The following CIT variants were observed in gnomAD, a reference collection of about 807,000 sequenced individuals.
CIT encodes citron Rho-interacting kinase.
A neutral mutation model predicts 272.7 loss-of-function variants in CIT; 79 were observed. The observed-to-expected ratio is 0.29, with a 90% CI of 0.24 to 0.35. The LOEUF (loss-of-function observed/expected upper bound fraction) is 0.35, where lower values mean the gene tolerates loss of function less well. Ranked by LOEUF, CIT falls within the 10% of genes least tolerant of loss-of-function variation. The pLI, the probability that CIT is intolerant of heterozygous loss-of-function variation, is 1.00. For missense variants in CIT, 1,909 were observed against 2,618.3 expected (o/e 0.73, Z 5.91); for synonymous variants, 948 against 995.6 (o/e 0.95, Z 0.90).
intron 9 of CIT, among the ~76,000 whole-genome samples, chr12:119,818,900 T>C (rs1316472668): frequency 6.6e-6 from 1 of 152,128 alleles, no homozygotes; most frequent in Non-Finnish European, 1.5e-5. Context: ...AAGATGTTGA[T>C]AGAAGACAGT....
chr12:119,796,903 G>A (rs949251002), intron 10 of CIT, among the ~76,000 whole-genome samples: 5 of 152,234 alleles, frequency 3.3e-5, no homozygotes, highest in African/African-American at 1.2e-4. Flanking sequence ...GTATCACGTG[G>A]TGAGATGGAA....
Position 119,815,900 on chromosome 12 carries a change from T to C in CIT, c.1111+6920A>G, listed in dbSNP as rs545538371. On this transcript the variant is annotated intron_variant, in intron 9 of 47. Transcript: ENST00000392521. ...ATTTTTCGCCGTATAACCTTCTGTATAATGTGAATTTTCTGCTATGGGCTA... is the reference window on the plus strand; with the variant it reads ...ATTTTTCGCCGTATAACCTTCTGTACAATGTGAATTTTCTGCTATGGGCTA... 2.6e-5 allele frequency among the ~76,000 whole-genome samples: 4 copies of C among 152,184 alleles called. No homozygotes were observed. In the East Asian group the frequency reaches 7.7e-4, roughly 29 times the overall value.
At chr12:119,866,849 A>G (rs1594005565) in intron 3 of CIT, among the ~76,000 whole-genome samples, 1 of 152,190 alleles carries the variant, frequency 6.6e-6, no homozygotes, top group East Asian at 1.9e-4. Context: ...TGCTGTTATG[A>G]TGTGAAAGCA....
intron 7 of CIT, among the ~76,000 whole-genome samples, chr12:119,830,084 A>T (rs1417432364): frequency 3.3e-5 from 5 of 150,468 alleles, no homozygotes; most frequent in Admixed American, 6.7e-5. Flanking sequence ...CCCCCCAAAA[A>T]TTATAATTTT....
rs549113936 is a variant in CIT, at chr12:119,858,389, C to T, written c.239-691G>A. ...AAAATTAGCCAGGTGTTGTGGTGCA[C>T]GCCTGTAATTCCACCTACTCAGGAG... On this transcript the variant is annotated intron_variant, in intron 3 of 47. Transcript: ENST00000392521. 1.4e-4 allele frequency among the ~76,000 whole-genome samples: 21 copies of T among 151,830 alleles called. No homozygotes were observed. The South Asian group carries it at 2.7e-3, about 20-fold the overall frequency.
rs1427255990 is a variant in CIT, at chr12:119,822,989, T to A, written c.958-16A>T. On this transcript the variant is annotated splice_polypyrimidine_tract_variant and intron_variant, in intron 8 of 47. Transcript: ENST00000392521. The stretch of plus-strand genomic sequence containing the variant: ...TCAAAAACCGCTGTTCCAAAAAAAA[T>A]AAGAGAATTATTTCCTTAGTAGGGA... The A allele has an allele frequency of 2.5e-6, 4 of 1,597,470 alleles. No individual in the cohort carries two copies. The African/African-American group carries it at 5.4e-5, about 22-fold the overall frequency.
intron 3 of CIT, among the ~76,000 whole-genome samples, chr12:119,864,211 T>C (rs564634784): frequency 9.2e-5 from 14 of 152,340 alleles, no homozygotes; most frequent in Admixed American, 3.9e-4. Flanking sequence ...ATAGTGAATA[T>C]AGCTCAAATG....
At chr12:119,762,072 G>A (rs1961873879) in intron 19 of CIT, among the ~76,000 whole-genome samples, 3 of 152,278 alleles carry the variant, frequency 2.0e-5, no homozygotes, top group East Asian at 1.9e-4. Flanking sequence ...AAAGAGCTGG[G>A]GTCACAGAGA....
At chr12:119,708,050 A>C (rs953744462) in intron 40 of CIT, 129 bp downstream of exon 40, 7 of 1,017,444 alleles carry the variant, frequency 6.9e-6, no homozygotes, top group South Asian at 4.8e-5. Context: ...TTTTCTTTCA[A>C]GAGAGCCCCT....
intron 7 of CIT, among the ~76,000 whole-genome samples, chr12:119,827,075 T>C (rs1968231692): frequency 6.6e-6 from 1 of 152,128 alleles, no homozygotes; most frequent in South Asian, 2.1e-4. Context: ...TTCCAAGCCC[T>C]AAACCCAGAA....
intron 23 of CIT, 57 bp from the exon 24 acceptor site, chr12:119,742,521 G>C: frequency 7.6e-6 from 10 of 1,311,942 alleles, no homozygotes; most frequent in African/African-American, 1.5e-5. Context: ...AATTCTACAT[G>C]CTACGGGTCA....
chr12:119,851,254 T>C (rs549799543), intron 4 of CIT, among the ~76,000 whole-genome samples: 3 of 152,254 alleles, frequency 2.0e-5, no homozygotes, highest in Non-Finnish European at 2.9e-5. Flanking sequence ...TACACAAATA[T>C]AGATGTAATG....
Position 119,718,799 on chromosome 12 carries a change from A to G in CIT, c.3903T>C (p.Asn1301=), listed in dbSNP as rs1368455189. The change falls in exon 31 of 48, where the codon AAT becomes AAC. Residue 1301 remains asparagine (N), a synonymous_variant. Coordinates refer to ENST00000392521, the MANE Select transcript of CIT (RefSeq NM_001206999.2). The surrounding 1 kb of genome is among the most constrained non-coding windows in gnomAD (Gnocchi z 4.8). The part of the protein sequence containing the change: ...ALPTQVPLQY[N]ELKLALEKEK... ...CCTTCTCCAGGGCCAGCTTCAGCTCATTGTACTGCAGAGGAACCTGTGTGG... is the reference window on the plus strand; with the variant it reads ...CCTTCTCCAGGGCCAGCTTCAGCTCGTTGTACTGCAGAGGAACCTGTGTGG... 1.2e-6 allele frequency: 2 copies of G among 1,614,046 alleles called. No individual in the cohort carries two copies. The highest frequency in any genetic ancestry group is 1.7e-6 in the Non-Finnish European group (2 of 1,180,040).
intron 5 of CIT, among the ~76,000 whole-genome samples, chr12:119,848,823 C>T (rs1394748175): frequency 3.9e-5 from 6 of 151,958 alleles, no homozygotes; most frequent in African/African-American, 1.5e-4. Context: ...CTCAGGACTT[C>T]GAAACCAGCC....
rs75123799 is a variant in CIT at position 119,835,321 on chromosome 12, T to C, written c.517-1093A>G. ...ATCCTCTTGCAGCACTGTGTGAGGA[T>C]TGAGTAAGACAAGGTCCTAGGAGGG... On this transcript the variant is annotated intron_variant, in intron 5 of 47. Transcript: ENST00000392521. Among the ~76,000 whole-genome samples the C allele has an allele frequency of 4.5e-3, 691 of 152,324 alleles. 4 individuals carry two copies. The highest frequency in any genetic ancestry group is 0.016 in the African/African-American group (649 of 41,578).
Position 119,784,554 on chromosome 12 carries a change from G to A in CIT, c.1401+406C>T, listed in dbSNP as rs565792228. The A allele has an allele frequency of 1.0e-5, 12 of 1,174,080 alleles. No individual in the cohort carries two copies. In the South Asian group the frequency reaches 1.4e-4, roughly 14 times the overall value. 72.7% of individuals were successfully genotyped at this position (1,174,080 alleles called of 1,614,324 possible). ...GCAGGAACAGTGAATGTTAAGAGAC[G>A]TTGAGCGTAATCAACACAGTGGCCG... On this transcript the variant is annotated intron_variant, in intron 11 of 47. Transcript: ENST00000392521. The surrounding 1 kb of genome is among the most constrained non-coding windows in gnomAD (Gnocchi z 4.7).
chr12:119,753,736 C>CAA (rs61342513), intron 22 of CIT, among the ~76,000 whole-genome samples: 6 of 112,200 alleles, frequency 5.3e-5, no homozygotes, highest in African/African-American at 9.3e-5. Context: ...GACTCTGCCT[C>CAA]AAAAAAAAAA....
Position 119,697,963 on chromosome 12 carries a change from G to A in CIT, c.5702+13C>T. 1 of 1,613,986 alleles carries A rather than the reference G, an allele frequency of 6.2e-7. No homozygotes were observed. The highest frequency in any genetic ancestry group is 8.5e-7 in the Non-Finnish European group (1 of 1,179,852). ...TAGCTGAAGTTTTCCACGCATGGGA[G>A]GACAATGCTTACCCTGCTGAGGAGC... On this transcript the variant is annotated intron_variant, in intron 45 of 47. Coordinates refer to ENST00000392521, the MANE Select transcript of CIT (RefSeq NM_001206999.2). This position sits in a 1 kb window ranked among gnomAD's most constrained non-coding sequence, Gnocchi z 4.9.
intron 32 of CIT, among the ~76,000 whole-genome samples, chr12:119,716,249 A>G (rs1287354610): frequency 6.6e-6 from 1 of 151,802 alleles, no homozygotes; most frequent in Non-Finnish European, 1.5e-5. Flanking sequence ...ATGGTGGCGC[A>G]TGCCTATAAT....
Sources: gnomAD v4.1 joint callset for allele counts (sites outside exome capture counted in the v4.1 genomes callset) on GRCh38, gnomAD v4.1.1 for gene constraint, Gnocchi (gnomAD v3.1) non-coding constraint, MANE v1.5 for transcripts, NCBI Gene and HGNC (gene_info 2026-07-23, HGNC 2026-07-21) for gene names.